C17orf58: variants seen among roughly 807,000 people sequenced by gnomAD.
C17orf58 encodes the protein chromosome 17 open reading frame 58, also known as UPF0450 protein C17orf58.
C17orf58 carries 5 observed loss-of-function variants against 7.4 expected under a neutral mutation model. The ratio of observed to expected loss-of-function variants is 0.67; its 90% CI spans 0.35 to 1.42. The LOEUF (loss-of-function observed/expected upper bound fraction) is 1.42. C17orf58 is among the 40% of genes most tolerant of loss of function. The pLI is 0.04. For synonymous variants in C17orf58, 60 were observed against 70.6 expected (o/e 0.85, Z 0.75); for missense variants, 162 against 174.2 (o/e 0.93, Z 0.40).
chr17:67,993,612 T>C lies in C17orf58; in HGVS notation c.449A>G (p.His150Arg), dbSNP rs868952539. Residue 150 changes from histidine to arginine, a missense_variant, in exon 2 of 4, where the codon CAC becomes CGC. By Grantham distance (29) the His-to-Arg change is conservative (BLOSUM62 0). Around this residue, in one of 3 missense-constraint regions of C17orf58, gnomAD observed 93 missense variants for 90.4 expected, o/e 1.03. Coordinates refer to ENST00000580729, the MANE Select transcript of C17orf58 (RefSeq NM_001382359.1). This position sits in a 1 kb window ranked among gnomAD's most constrained non-coding sequence, Gnocchi z 5.1. ...PALATEGSAG[H>R]AHPNRPRAAA... ...GGCGCGCGGCCGGTTGGGGTGGGCG[T>C]GGCCGGCGGAGCCCTCGGTGGCGAG... 6.9e-6 allele frequency: 1 copy of C among 144,404 alleles called. No individual in the cohort carries two copies. 8.9% of individuals were successfully genotyped at this position (144,404 alleles called of 1,614,324 possible).
Position 67,993,392 on chromosome 17 carries a change from C to T in C17orf58, c.637+32G>A. The T allele has an allele frequency of 3.5e-6, 2 of 577,402 alleles. No homozygotes were observed. The highest frequency in any genetic ancestry group is 6.1e-6 in the Non-Finnish European group (2 of 328,610). The allele number at this position is 577,402 out of a possible 1,614,324, so 35.8% of individuals were successfully genotyped here. A position where few individuals can be genotyped will look rare whatever the true frequency, so the allele number is the denominator to read the frequency against. ...CCGGGGCTCGGAAAGGCTCGCGGGGCGGCGGGGCGGCGGCGCGGCGGCCGG... is the reference window on the plus strand; with the variant it reads ...CCGGGGCTCGGAAAGGCTCGCGGGGTGGCGGGGCGGCGGCGCGGCGGCCGG... On this transcript the variant is annotated intron_variant, in intron 2 of 3. Transcript: ENST00000580729. The surrounding 1 kb of genome is among the most constrained non-coding windows in gnomAD (Gnocchi z 5.1).
In C17orf58 at chr17:67,996,241, T is replaced by A; in HGVS notation, c.-43A>T. 2.5e-6 allele frequency: 1 copy of A among 398,932 alleles called. No homozygotes were observed. Among genetic ancestry groups the A allele is most frequent in the Non-Finnish European group, 4.4e-6 (1 of 226,052 alleles). 24.7% of individuals were successfully genotyped at this position (398,932 alleles called of 1,614,324 possible). On this transcript the variant is annotated 5_prime_UTR_variant, in exon 1 of 4. In the 5' UTR this introduces an upstream ATG that the reference lacks. Coordinates refer to ENST00000580729, the MANE Select transcript of C17orf58 (RefSeq NM_001382359.1). ...CCAGGCTCTAAAAGTGAGCCTGGTC[T>A]TTTGCTTGCTTTCTCTCCCCCAACC... is the stretch of plus-strand genomic sequence containing the variant.
chr17:67,994,972 CAGCTTGGG>C (rs2070880146), intron 1 of C17orf58, among the ~76,000 whole-genome samples: 2 of 152,174 alleles, frequency 1.3e-5, no homozygotes, highest in African/African-American at 4.8e-5. Flanking sequence ...AAACCTCAGC[CAGCTTGGG>C]AGCTGGGCAC....
chr17:67,994,512 G>GTATATATATATATATATATATATATA (rs1555699607), intron 1 of C17orf58, among the ~76,000 whole-genome samples: 1 of 85,568 alleles, frequency 1.2e-5, no homozygotes, highest in Non-Finnish European at 2.6e-5. Context: ...GTGTGTGTGT[G>GTATATATATATATATATATATATATA]TGTGTATATA....
Position 67,993,945 on chromosome 17 carries a change from C to T in C17orf58, c.116G>A (p.Cys39Tyr). 1 of 395,564 alleles carries T rather than the reference C, an allele frequency of 2.5e-6. No individual in the cohort carries two copies. Among genetic ancestry groups the T allele is most frequent in the Non-Finnish European group, 4.5e-6 (1 of 224,516 alleles). The allele number at this position is 395,564 out of a possible 1,614,324, so 24.5% of individuals were successfully genotyped here. A position where few individuals can be genotyped will look rare whatever the true frequency, so the allele number is the denominator to read the frequency against. The change falls in exon 2 of 4, where the codon TGC becomes TAC. Residue 39 changes from cysteine (C) to tyrosine (Y), a missense_variant. By Grantham distance (194) the Cys-to-Tyr change is radical. Transcript: ENST00000580729. This position sits in a 1 kb window ranked among gnomAD's most constrained non-coding sequence, Gnocchi z 5.1. ...PHSRKPDSRG[C>Y]PSAEETPGPR... ...CCCCGGTGTCTCCTCCGCGCTCGGGCAGCCGCGGGAGTCCGGCTTTCTGCT... is the reference window on the plus strand; with the variant it reads ...CCCCGGTGTCTCCTCCGCGCTCGGGTAGCCGCGGGAGTCCGGCTTTCTGCT...
In C17orf58 at chr17:67,993,147, C is replaced by A; in HGVS notation, c.726G>T (p.Lys242Asn). 3.7e-6 allele frequency: 6 copies of A among 1,613,946 alleles called. No homozygotes were observed. Among genetic ancestry groups the A allele is most frequent in the Non-Finnish European group, 4.2e-6 (5 of 1,179,868 alleles). ...CGGGGGTGAGGTACAGGCGGTTCAT[C>A]TTGTACAGCCCGTCCCGATCCACCA... ...TLLVDRDGLY[K>N]MNRLYLTPDG... The change falls in exon 3 of 4, where the codon AAG becomes AAT. Residue 242 changes from lysine to asparagine, a missense_variant. This residue lies in a region of C17orf58 where 93 missense variants were observed against 90.4 expected (regional missense o/e 1.03). Coordinates refer to ENST00000580729, the MANE Select transcript of C17orf58 (RefSeq NM_001382359.1). The surrounding 1 kb of genome is among the most constrained non-coding windows in gnomAD (Gnocchi z 5.1).
At chr17:67,992,975 C>G in intron 3 of C17orf58, 69 bp downstream of exon 3, 2 of 1,614,190 alleles carry the variant, frequency 1.2e-6, no homozygotes, top group Non-Finnish European at 1.7e-6. Flanking sequence ...ACAGCCCGGG[C>G]TGTGGCACCC....
intron 1 of C17orf58, among the ~76,000 whole-genome samples, chr17:67,995,077 C>G (rs1449589068): frequency 6.6e-6 from 1 of 152,152 alleles, no homozygotes; most frequent in East Asian, 1.9e-4. Flanking sequence ...CTTTATTTTT[C>G]TCTCCCCTTG....
In C17orf58 at chr17:67,991,386, T is replaced by C. The variant is rs1555699219; in HGVS notation, c.*527A>G. 1 of 85,344 alleles carries C rather than the reference T, an allele frequency of 1.2e-5. No individual in the cohort carries two copies. The highest frequency in any genetic ancestry group is 3.6e-5 in the Non-Finnish European group (1 of 28,062). 5.3% of individuals were successfully genotyped at this position (85,344 alleles called of 1,614,324 possible). On this transcript the variant is annotated 3_prime_UTR_variant, in exon 4 of 4. Coordinates refer to ENST00000580729, the MANE Select transcript of C17orf58 (RefSeq NM_001382359.1). ...CTGGCCCTTTAGTACTCTTTAAGTA[T>C]AAAACTTTAATACTTGTCCTGGGCT...
intron 1 of C17orf58, among the ~76,000 whole-genome samples, chr17:67,994,535 T>TATATATATATATATATATATATATAAAA (rs71142122): frequency 2.0e-5 from 2 of 100,308 alleles, no homozygotes; most frequent in African/African-American, 3.2e-5. Context: ...TATATATATA[T>TATATATATATATATATATATATATAAAA]AAAACATATA....
chr17:67,994,506 G>GTATATA (rs1486317778), intron 1 of C17orf58, among the ~76,000 whole-genome samples: 13 of 16,386 alleles, frequency 7.9e-4, no homozygotes, highest in Non-Finnish European at 2.3e-3. Context: ...GTGTGTGTGT[G>GTATATA]TGTGTGTGTG....
Position 67,993,272 on chromosome 17 carries a change from C to G in C17orf58, c.638-37G>C, listed in dbSNP as rs1341945270. On this transcript the variant is annotated intron_variant, in intron 2 of 3. Transcript: ENST00000580729. The surrounding 1 kb of genome is among the most constrained non-coding windows in gnomAD (Gnocchi z 5.1). Reference sequence around the variant, plus strand: ...AAACAGTTTGGAGAAGAGCATTACCCCGAGTTCCTCTCCCAGTCCCCCAGG... The same window carrying G: ...AAACAGTTTGGAGAAGAGCATTACCGCGAGTTCCTCTCCCAGTCCCCCAGG... The G allele has an allele frequency of 6.2e-6, 8 of 1,290,316 alleles. No individual in the cohort carries two copies. The highest frequency in any genetic ancestry group is 8.6e-6 in the Non-Finnish European group (8 of 930,938). 79.9% of individuals were successfully genotyped at this position (1,290,316 alleles called of 1,614,324 possible). A position where few individuals can be genotyped will look rare whatever the true frequency, so the allele number is the denominator to read the frequency against.
At chr17:67,995,723 C>CT (rs1555699729) in intron 1 of C17orf58, among the ~76,000 whole-genome samples, 1 of 152,208 alleles carries the variant, frequency 6.6e-6, no homozygotes, top group Non-Finnish European at 1.5e-5. Flanking sequence ...TCCACAGCGC[C>CT]CCCCGCAGCC....
In C17orf58 at chr17:67,993,713, G is replaced by A. The variant is rs1159697155; in HGVS notation, c.348C>T (p.Arg116=). ...AQAENRASPR[R]EPASEDAPRR... ...GCGGGGCGTCCTCCGACGCGGGCTCGCGGCGCGGCGACGCGCGGTTCTCGG... is the reference window on the plus strand; with the variant it reads ...GCGGGGCGTCCTCCGACGCGGGCTCACGGCGCGGCGACGCGCGGTTCTCGG... Residue 116 remains arginine, a synonymous_variant, in exon 2 of 4, where the codon CGC becomes CGT. Coordinates refer to ENST00000580729, the MANE Select transcript of C17orf58 (RefSeq NM_001382359.1). This position sits in a 1 kb window ranked among gnomAD's most constrained non-coding sequence, Gnocchi z 5.1. 1.4e-5 allele frequency: 2 copies of A among 148,066 alleles called. No individual in the cohort carries two copies. The highest frequency in any genetic ancestry group is 3.0e-5 in the Non-Finnish European group (2 of 66,820). The allele number at this position is 148,066 out of a possible 1,614,324, so 9.2% of individuals were successfully genotyped here.
chr17:67,993,955 A>C lies in C17orf58; in HGVS notation c.106T>G (p.Ser36Ala). Residue 36 changes from serine (S) to alanine (A), a missense_variant, in exon 2 of 4, where the codon TCC becomes GCC. By Grantham distance (99) the Ser-to-Ala change is moderately conservative. Coordinates refer to ENST00000580729, the MANE Select transcript of C17orf58 (RefSeq NM_001382359.1). The surrounding 1 kb of genome is among the most constrained non-coding windows in gnomAD (Gnocchi z 5.1). ...TSPPHSRKPD[S>A]RGCPSAEETP... ...TCCTCCGCGCTCGGGCAGCCGCGGG[A>C]GTCCGGCTTTCTGCTGTGCGGCGGC... 2.5e-6 allele frequency: 1 copy of C among 394,196 alleles called. No individual in the cohort carries two copies. The highest frequency in any genetic ancestry group is 4.5e-6 in the Non-Finnish European group (1 of 223,930). The allele number at this position is 394,196 out of a possible 1,614,324, so 24.4% of individuals were successfully genotyped here. A position where few individuals can be genotyped will look rare whatever the true frequency, so the allele number is the denominator to read the frequency against.
rs2070857978 is a variant in C17orf58 at position 67,993,416 on chromosome 17, G to C, written c.637+8C>G. The C allele has an allele frequency of 3.5e-6, 2 of 567,566 alleles. No homozygotes were observed. Among genetic ancestry groups the C allele is most frequent in the Non-Finnish European group, 6.2e-6 (2 of 323,516 alleles). The allele number at this position is 567,566 out of a possible 1,614,324, so 35.2% of individuals were successfully genotyped here. On this transcript the variant is annotated splice_region_variant and intron_variant, in intron 2 of 3. Coordinates refer to ENST00000580729, the MANE Select transcript of C17orf58 (RefSeq NM_001382359.1). This position sits in a 1 kb window ranked among gnomAD's most constrained non-coding sequence, Gnocchi z 5.1. ...GCGGCGGGGCGGCGGCGCGGCGGCC[G>C]GGCTCACCGAATTCGCTCTCGCAGA...
chr17:67,994,490 G>C (rs2070872653), intron 1 of C17orf58, among the ~76,000 whole-genome samples: 1 of 52,566 alleles, frequency 1.9e-5, no homozygotes, highest in Non-Finnish European at 4.0e-5. Flanking sequence ...ATGTGTGCGT[G>C]TGCGTGTGTG....
intron 1 of C17orf58, among the ~76,000 whole-genome samples, chr17:67,994,514 G>GTATATATA (rs1555699612): frequency 1.1e-5 from 1 of 87,210 alleles, no homozygotes; most frequent in African/African-American, 3.7e-5. Flanking sequence ...GTGTGTGTGT[G>GTATATATA]TGTATATATA....
chr17:67,994,510 G>GTATATATATATATATATATATATATA (rs1291189426), intron 1 of C17orf58, among the ~76,000 whole-genome samples: 11 of 71,510 alleles, frequency 1.5e-4, no homozygotes, highest in Non-Finnish European at 2.0e-4. Context: ...GTGTGTGTGT[G>GTATATATATATATATATATATATATA]TGTGTGTATA....
Sources: gnomAD v4.1 joint callset for allele counts (sites outside exome capture counted in the v4.1 genomes callset) on GRCh38, gnomAD v4.1.1 for gene constraint, gnomAD v4.1.1 regional missense constraint, Gnocchi (gnomAD v3.1) non-coding constraint, MANE v1.5 for transcripts, NCBI Gene and HGNC (gene_info 2026-07-23, HGNC 2026-07-21) for gene names.